Variants in MAD1L1 observed in about 807,000 individuals in gnomAD.
MAD1L1 encodes the protein mitotic spindle assembly checkpoint protein MAD1.
MAD1L1 carries 95 observed loss-of-function variants against 96.9 expected under a neutral mutation model. The ratio of observed to expected loss-of-function variants is 0.98; its 90% CI spans 0.83 to 1.16. The LOEUF (loss-of-function observed/expected upper bound fraction) is 1.16, where lower values mean the gene tolerates loss of function less well. MAD1L1 is among the 50% of genes most tolerant of loss of function. The probability of loss-of-function intolerance (pLI) is 0.00; values close to 1 mark genes in which losing one functional copy is unlikely to be tolerated. For synonymous variants in MAD1L1, 473 were observed against 396.6 expected (o/e 1.19, Z -2.29); for missense variants, 1,007 against 954.4 (o/e 1.06, Z -0.73).
intron 12 of MAD1L1, among the ~76,000 whole-genome samples, chr7:2,027,537 T>C (rs890016355): frequency 9.8e-5 from 15 of 152,366 alleles, no homozygotes; most frequent in Admixed American, 2.0e-4. Context: ...AATGTAAGTT[T>C]GGTTTAACAT....
intron 14 of MAD1L1, among the ~76,000 whole-genome samples, chr7:1,995,710 C>T (rs756201249): frequency 6.6e-6 from 1 of 152,142 alleles, no homozygotes; most frequent in Admixed American, 6.5e-5. Context: ...CCAGCGCGCG[C>T]GGGGACATAC....
chr7:2,120,301 C>A (rs1787911971), intron 11 of MAD1L1, among the ~76,000 whole-genome samples: 1 of 152,250 alleles, frequency 6.6e-6, no homozygotes, highest in South Asian at 2.1e-4. Context: ...CTCCTAAAGT[C>A]TGACCCAGCT....
Position 2,183,210 on chromosome 7 carries a change from C to T in MAD1L1, c.986+30002G>A, listed in dbSNP as rs191616549. 3.5e-4 allele frequency among the ~76,000 whole-genome samples: 51 copies of T among 147,166 alleles called. 1 individual carries two copies. The highest frequency in any genetic ancestry group is 1.3e-3 in the African/African-American group (50 of 39,976). On this transcript the variant is annotated intron_variant, in intron 10 of 18. Transcript: ENST00000265854. Reference sequence around the variant, plus strand: ...CCTGGGTGACAGAGCAAGACTCTGCCTCAAAAAAAAAAAAAAGAACAACAG... The same window carrying T: ...CCTGGGTGACAGAGCAAGACTCTGCTTCAAAAAAAAAAAAAAGAACAACAG...
intron 17 of MAD1L1, among the ~76,000 whole-genome samples, chr7:1,936,150 A>G (rs1334655654): frequency 6.6e-6 from 1 of 152,210 alleles, no homozygotes; most frequent in Non-Finnish European, 1.5e-5. Flanking sequence ...TGGCGTGGGC[A>G]GACCCCAGCA....
chr7:1,889,149 G>C (rs996730365), intron 18 of MAD1L1, among the ~76,000 whole-genome samples: 1 of 152,218 alleles, frequency 6.6e-6, no homozygotes, highest in African/African-American at 2.4e-5. Flanking sequence ...AGGAAGACAA[G>C]GCTTGAGGAG....
At chr7:1,903,522 C>T (rs533253581) in intron 17 of MAD1L1, among the ~76,000 whole-genome samples, 79 of 136,108 alleles carry the variant, frequency 5.8e-4, no homozygotes, top group Non-Finnish European at 6.9e-4. Flanking sequence ...GCAGCGAGGA[C>T]GCAGTGGCCT....
intron 16 of MAD1L1, among the ~76,000 whole-genome samples, chr7:1,939,648 C>A (rs138218074): frequency 6.6e-6 from 1 of 152,230 alleles, no homozygotes; most frequent in African/African-American, 2.4e-5. Context: ...CTTCTGCCCA[C>A]GCACTCTCCT....
intron 16 of MAD1L1, among the ~76,000 whole-genome samples, chr7:1,944,584 G>A (rs1433440388): frequency 6.6e-6 from 1 of 152,180 alleles, no homozygotes; most frequent in Non-Finnish European, 1.5e-5. Flanking sequence ...AAACTCTGGG[G>A]CTCCGTAAGG....
chr7:1,842,234 T>G (rs1763041089), intron 18 of MAD1L1, among the ~76,000 whole-genome samples: 1 of 152,184 alleles, frequency 6.6e-6, no homozygotes, highest in Non-Finnish European at 1.5e-5. Flanking sequence ...TGCCGGTAAT[T>G]AAGCCAGAGG....
chr7:2,113,389 G>A (rs780559872), intron 11 of MAD1L1, among the ~76,000 whole-genome samples: 17 of 152,240 alleles, frequency 1.1e-4, no homozygotes, highest in Non-Finnish European at 2.2e-4. Context: ...AGACCAGCCC[G>A]ACTAACATGG....
intron 14 of MAD1L1, among the ~76,000 whole-genome samples, chr7:1,993,669 T>C (rs1004874777): frequency 7.9e-5 from 12 of 152,184 alleles, no homozygotes; most frequent in African/African-American, 2.7e-4. Flanking sequence ...GAAGAAACCA[T>C]CTTCTCAGCT....
chr7:1,840,979 G>A (rs1783222262), intron 18 of MAD1L1, among the ~76,000 whole-genome samples: 2 of 152,236 alleles, frequency 1.3e-5, no homozygotes, highest in Admixed American at 6.5e-5. Flanking sequence ...CCGTGCGTTT[G>A]CAGCCTGGAT....
intron 4 of MAD1L1, among the ~76,000 whole-genome samples, 172 bp from the exon 5 acceptor site, chr7:2,222,926 G>A (rs908505699): frequency 6.6e-6 from 1 of 152,216 alleles, no homozygotes; most frequent in African/African-American, 2.4e-5. Context: ...CAGCCCCAGC[G>A]TTGGCACCCC....
intron 15 of MAD1L1, among the ~76,000 whole-genome samples, chr7:1,959,515 C>G (rs1779864511): frequency 6.6e-6 from 1 of 152,116 alleles, no homozygotes; most frequent in African/African-American, 2.4e-5. Flanking sequence ...GCTGGCAGCC[C>G]CAGAGCACAT....
At chr7:1,953,928 C>A (rs992001869) in intron 16 of MAD1L1, among the ~76,000 whole-genome samples, 2 of 152,186 alleles carry the variant, frequency 1.3e-5, no homozygotes, top group African/African-American at 4.8e-5. Flanking sequence ...GGGGATGCGC[C>A]CGCCCAGCCA....
At chr7:2,129,030 T>C (rs150453646) in intron 11 of MAD1L1, among the ~76,000 whole-genome samples, 1 of 151,862 alleles carries the variant, frequency 6.6e-6, no homozygotes, top group Non-Finnish European at 1.5e-5. Flanking sequence ...CTGGGCAGAG[T>C]GGAGGTGGTG....
chr7:1,893,855 A>G (rs1314239676), intron 18 of MAD1L1, among the ~76,000 whole-genome samples: 4 of 152,148 alleles, frequency 2.6e-5, no homozygotes, highest in Non-Finnish European at 5.9e-5. Flanking sequence ...TCTCCTCTGG[A>G]CAGTGGAGAC....
intron 14 of MAD1L1, among the ~76,000 whole-genome samples, chr7:1,983,807 T>C (rs1562583645): frequency 6.6e-6 from 1 of 152,202 alleles, no homozygotes; most frequent in Non-Finnish European, 1.5e-5. Flanking sequence ...TTTTGGATGG[T>C]GATACTTTCT....
In MAD1L1 at chr7:1,868,890, G is replaced by T. The variant is rs1308989464; in HGVS notation, c.1998+29310C>A. 7.9e-5 allele frequency among the ~76,000 whole-genome samples: 12 copies of T among 152,320 alleles called. No individual in the cohort carries two copies. The East Asian group carries it at 2.3e-3, about 29-fold the overall frequency. ...ACCAACCCTCTGCATGGAGAACCTG[G>T]CCTCTTCCCCACACGGACGAAGCTG... On this transcript the variant is annotated intron_variant, in intron 18 of 18. Transcript: ENST00000265854.
Sources: allele counts gnomAD v4.1 joint callset (sites outside exome capture counted in the v4.1 genomes callset), GRCh38; gene constraint gnomAD v4.1.1; transcripts MANE v1.5; gene names NCBI Gene and HGNC (gene_info 2026-07-23, HGNC 2026-07-21).